The following NEK7 variants were observed in gnomAD, a reference collection of about 807,000 sequenced individuals.
NEK7 encodes serine/threonine-protein kinase Nek7.
In NEK7, 18 loss-of-function variants were observed where a neutral mutation model predicts 44.6. The observed-to-expected ratio is 0.40, with a 90% CI of 0.28 to 0.60. The LOEUF (loss-of-function observed/expected upper bound fraction) is 0.60, where lower values mean the gene tolerates loss of function less well. Among genes scored for constraint, NEK7 ranks in the 20% least tolerant of loss-of-function variants. The pLI is 0.38. For synonymous variants in NEK7, 130 were observed against 121.1 expected, an observed-to-expected ratio of 1.07 and a Z score of -0.48; for missense variants, 256 against 366.5, an observed-to-expected ratio of 0.70 and a Z score of 2.46.
intron 9 of NEK7, among the ~76,000 whole-genome samples, chr1:198,301,265 TATGGGCCGGGCG>T (rs1654872266): frequency 6.6e-6 from 1 of 152,214 alleles, no homozygotes; most frequent in Non-Finnish European, 1.5e-5. Flanking sequence ...GCATAACATT[TATGGGCCGGGCG>T]CTGTGGCTCA....
At position 198,297,186 on chromosome 1, in the gene NEK7, G is replaced by A; in HGVS notation, c.744G>A (p.Lys248=). Residue 248 remains lysine (K), a synonymous_variant, in exon 9 of 10, where the codon AAG becomes AAA. Coordinates refer to ENST00000367385, the MANE Select transcript of NEK7 (RefSeq NM_133494.3). ...AAATGAATTTATACTCACTGTGTAA[G>A]AAGATAGAACAGTGTGACTACCCAC... The part of the protein sequence containing the change: ...GDKMNLYSLC[K]KIEQCDYPPL... 1 of 1,613,538 alleles carries A rather than the reference G, an allele frequency of 6.2e-7. No homozygotes were observed. The highest frequency in any genetic ancestry group is 8.5e-7 in the Non-Finnish European group (1 of 1,179,706).
In NEK7 at chr1:198,278,030, G is replaced by A. The variant is rs1482135308; in HGVS notation, c.442G>A (p.Ala148Thr). ...VWKYFVQLCS[A>T]LEHMHSRRVM... The stretch of plus-strand genomic sequence containing the variant: ...GAAGTATTTTGTTCAGCTTTGCAGT[G>A]CATTGGAACACATGCATTCTCGAAG... The change falls in exon 6 of 10, where the codon GCA (alanine) becomes ACA (threonine). Residue 148 changes from alanine (A) to threonine (T), a missense_variant. By Grantham distance (58) the Ala-to-Thr change is moderately conservative. Transcript: ENST00000367385. 1 of 1,600,666 alleles carries A rather than the reference G, an allele frequency of 6.2e-7. No individual in the cohort carries two copies. The highest frequency in any genetic ancestry group is 2.2e-5 in the East Asian group (1 of 44,638).
At chr1:198,262,934 A>G (rs969136619) in intron 4 of NEK7, among the ~76,000 whole-genome samples, 1 of 151,836 alleles carries the variant, frequency 6.6e-6, no homozygotes, top group East Asian at 1.9e-4. Flanking sequence ...CCCCAACAAG[A>G]CATATTCTAA....
At chr1:198,285,014 C>A (rs1036899379) in intron 7 of NEK7, among the ~76,000 whole-genome samples, 1 of 152,222 alleles carries the variant, frequency 6.6e-6, no homozygotes. Flanking sequence ...TGAGATCACT[C>A]TATTTAAAAC....
chr1:198,225,597 CAT>C (rs759395658), intron 1 of NEK7, among the ~76,000 whole-genome samples: 27 of 152,106 alleles, frequency 1.8e-4, no homozygotes, highest in South Asian at 6.2e-4. Flanking sequence ...AAATGGATAT[CAT>C]AATTTTTTTC....
intron 7 of NEK7, among the ~76,000 whole-genome samples, chr1:198,290,253 C>A (rs942185634): frequency 1.2e-4 from 19 of 152,180 alleles, no homozygotes; most frequent in Admixed American, 2.0e-4. Flanking sequence ...AATGTCTAAT[C>A]ATATCACTCC....
At chr1:198,209,921 A>G (rs184070036) in intron 1 of NEK7, among the ~76,000 whole-genome samples, 72 of 151,984 alleles carry the variant, frequency 4.7e-4, no homozygotes, top group African/African-American at 1.5e-3. Flanking sequence ...GGTTCAAGCA[A>G]TTCTCATGCA....
At chr1:198,186,529 A>G (rs545160331) in intron 1 of NEK7, among the ~76,000 whole-genome samples, 63 of 152,314 alleles carry the variant, frequency 4.1e-4, no homozygotes, top group Admixed American at 3.8e-3. Context: ...GAAGTAGCTC[A>G]AAGATACAGG....
chr1:198,252,800 A>T (rs952229386), intron 2 of NEK7, among the ~76,000 whole-genome samples: 3 of 151,614 alleles, frequency 2.0e-5, no homozygotes, highest in Non-Finnish European at 2.9e-5. Context: ...TTCCTTGTTT[A>T]TTCCCCTCAC....
At chr1:198,243,902 T>C (rs1046043084) in intron 2 of NEK7, among the ~76,000 whole-genome samples, 1 of 149,156 alleles carries the variant, frequency 6.7e-6, no homozygotes, top group Non-Finnish European at 1.5e-5. Flanking sequence ...TTTTTTTGTT[T>C]ATTTGCCTTT....
chr1:198,239,508 A>T (rs901219810), intron 2 of NEK7, among the ~76,000 whole-genome samples: 1 of 152,192 alleles, frequency 6.6e-6, no homozygotes, highest in Non-Finnish European at 1.5e-5. Context: ...AGAGATCCTA[A>T]GAAAAATATT....
At chr1:198,230,085 C>T (rs898882480) in intron 1 of NEK7, among the ~76,000 whole-genome samples, 2 of 152,180 alleles carry the variant, frequency 1.3e-5, no homozygotes, top group African/African-American at 4.8e-5. Flanking sequence ...GGATCTTTTA[C>T]TGTGCTATTC....
At chr1:198,257,544 A>G (rs895625868) in intron 3 of NEK7, among the ~76,000 whole-genome samples, 1 of 152,176 alleles carries the variant, frequency 6.6e-6, no homozygotes, top group African/African-American at 2.4e-5. Context: ...GTTCATTGTG[A>G]TTAATAAATT....
intron 7 of NEK7, 98 bp downstream of exon 7, chr1:198,279,159 A>G: frequency 2.8e-6 from 2 of 726,646 alleles, no homozygotes; most frequent in Non-Finnish European, 4.7e-6. Context: ...CATTCTTAAT[A>G]AAACTATTTT....
intron 1 of NEK7, among the ~76,000 whole-genome samples, chr1:198,215,488 T>A (rs1047877039): frequency 1.3e-5 from 2 of 152,204 alleles, no homozygotes; most frequent in African/African-American, 4.8e-5. Flanking sequence ...ATTTTTATTT[T>A]ATTTATTTTT....
chr1:198,209,887 A>G (rs756040258), intron 1 of NEK7, among the ~76,000 whole-genome samples: 15 of 151,994 alleles, frequency 9.9e-5, no homozygotes, highest in Admixed American at 7.9e-4. Context: ...CGTGATCTCG[A>G]CTTACTGCAA....
intron 2 of NEK7, among the ~76,000 whole-genome samples, chr1:198,249,240 A>G (rs983911055): frequency 6.6e-6 from 1 of 152,030 alleles, no homozygotes; most frequent in Non-Finnish European, 1.5e-5. Context: ...TTATGGCTAC[A>G]TAGTATTCCA....
intron 5 of NEK7, among the ~76,000 whole-genome samples, chr1:198,268,424 A>G (rs1204705056): frequency 9.2e-5 from 14 of 151,616 alleles, no homozygotes; most frequent in Non-Finnish European, 1.5e-5. Flanking sequence ...CTTCTTTTCA[A>G]TCTCACCAGA....
In NEK7 at chr1:198,268,279, G is replaced by T. The variant is rs147127391; in HGVS notation, c.372+4044G>T. 1.3e-3 allele frequency among the ~76,000 whole-genome samples: 193 copies of T among 151,418 alleles called. 3 individuals are homozygous for T. In the Middle Eastern group the frequency reaches 0.027, roughly 21 times the overall value. On this transcript the variant is annotated intron_variant, in intron 5 of 9. Coordinates refer to ENST00000367385, the MANE Select transcript of NEK7 (RefSeq NM_133494.3). The stretch of plus-strand genomic sequence containing the variant: ...GCTCTTTAAATTCTGACTCTATATG[G>T]CTCAATATGTCTGTAAACAAATTCC...
Sources: gnomAD v4.1 joint callset for allele counts (sites outside exome capture counted in the v4.1 genomes callset) on GRCh38, gnomAD v4.1.1 for gene constraint, MANE v1.5 for transcripts, NCBI Gene and HGNC (gene_info 2026-07-23, HGNC 2026-07-21) for gene names.